INPP4B: variants seen among roughly 807,000 people sequenced by gnomAD.
INPP4B encodes inositol polyphosphate-4-phosphatase type II B.
In INPP4B, 55 loss-of-function variants were observed where a neutral mutation model predicts 122.5. That is an observed-to-expected ratio of 0.45 (90% CI 0.36 to 0.56). The LOEUF (loss-of-function observed/expected upper bound fraction) is 0.56. INPP4B is among the 20% of genes least tolerant of loss of function. INPP4B has a pLI of 0.00. For missense variants in INPP4B, 1,000 were observed against 1,097.7 expected (o/e 0.91, Z 1.26); for synonymous variants, 403 against 388.7 (o/e 1.04, Z -0.43).
intron 2 of INPP4B, among the ~76,000 whole-genome samples, chr4:142,658,212 C>T (rs568263715): frequency 3.3e-5 from 5 of 152,216 alleles, no homozygotes; most frequent in Admixed American, 3.3e-4. Context: ...TGCTTTAATC[C>T]TTTTCAAAAA....
intron 4 of INPP4B, among the ~76,000 whole-genome samples, chr4:142,429,825 A>G (rs192829191): frequency 6.6e-6 from 1 of 152,206 alleles, no homozygotes; most frequent in Non-Finnish European, 1.5e-5. Flanking sequence ...TCTGGGGACA[A>G]AGGTACAGAA....
intron 5 of INPP4B, among the ~76,000 whole-genome samples, chr4:142,418,826 A>G (rs1239672517): frequency 6.6e-6 from 1 of 152,178 alleles, no homozygotes; most frequent in African/African-American, 2.4e-5. Context: ...AAGAAATTAC[A>G]TTTCCATTTT....
intron 9 of INPP4B, among the ~76,000 whole-genome samples, chr4:142,285,962 C>G (rs1041813218): frequency 6.6e-6 from 1 of 152,142 alleles, no homozygotes; most frequent in Non-Finnish European, 1.5e-5. Flanking sequence ...GCTCTGTAGT[C>G]TTAACTCTGC....
intron 1 of INPP4B, among the ~76,000 whole-genome samples, chr4:142,775,004 A>G (rs1190405856): frequency 1.3e-5 from 2 of 151,968 alleles, no homozygotes; most frequent in Non-Finnish European, 2.9e-5. Flanking sequence ...TGACCTTGAT[A>G]CTTTTGAGGA....
intron 2 of INPP4B, among the ~76,000 whole-genome samples, chr4:142,711,042 C>T (rs760389344): frequency 2.6e-5 from 4 of 152,186 alleles, no homozygotes; most frequent in Admixed American, 6.5e-5. Flanking sequence ...GCAACATGTC[C>T]CTTCCAACAC....
intron 1 of INPP4B, among the ~76,000 whole-genome samples, chr4:142,828,665 G>T (rs1469508253): frequency 6.6e-6 from 1 of 152,026 alleles, no homozygotes; most frequent in East Asian, 1.9e-4. Flanking sequence ...ATAAACTCAA[G>T]AAAACAAGCC....
intron 2 of INPP4B, among the ~76,000 whole-genome samples, chr4:142,575,909 TG>T (rs1348089035): frequency 3.3e-5 from 5 of 152,074 alleles, no homozygotes; most frequent in Admixed American, 2.0e-4. Flanking sequence ...CTCAAGGTTC[TG>T]TGTGCAAAAC....
At chr4:142,201,186 T>G (rs1348832142) in intron 14 of INPP4B, among the ~76,000 whole-genome samples, 3 of 152,096 alleles carry the variant, frequency 2.0e-5, no homozygotes, top group Non-Finnish European at 2.9e-5. Flanking sequence ...AAGTAGCTGC[T>G]GAATGTTATT....
At chr4:142,126,753 G>A (rs908231139) in intron 18 of INPP4B, among the ~76,000 whole-genome samples, 2 of 151,522 alleles carry the variant, frequency 1.3e-5, no homozygotes, top group Middle Eastern at 3.4e-3. Context: ...ATTGTCATGT[G>A]TAAAAGGGAA....
chr4:142,123,441 T>C (rs1471708248), intron 19 of INPP4B, 26 bp from the exon 20 acceptor site: 1 of 1,603,226 alleles, frequency 6.2e-7, no homozygotes, highest in Non-Finnish European at 8.5e-7. Flanking sequence ...TGATGAGATT[T>C]ACTGCAGTTA....
chr4:142,722,703 A>G (rs1383246671), intron 2 of INPP4B, among the ~76,000 whole-genome samples: 1 of 152,156 alleles, frequency 6.6e-6, no homozygotes, highest in Non-Finnish European at 1.5e-5. Flanking sequence ...CAGTTTAAAT[A>G]CTCATTGGGA....
intron 25 of INPP4B, among the ~76,000 whole-genome samples, chr4:142,073,292 G>A (rs188235093): frequency 3.0e-4 from 46 of 152,218 alleles, no homozygotes; most frequent in African/African-American, 8.9e-4. Context: ...GGCCACTATC[G>A]TTTGAACATT....
At chr4:142,671,422 G>C (rs750981040) in intron 2 of INPP4B, among the ~76,000 whole-genome samples, 1 of 152,108 alleles carries the variant, frequency 6.6e-6, no homozygotes, top group Non-Finnish European at 1.5e-5. Flanking sequence ...GAAACACACT[G>C]TGTATTTTCC....
chr4:142,081,290 CAA>C (rs1192546561), intron 25 of INPP4B, among the ~76,000 whole-genome samples: 1 of 152,106 alleles, frequency 6.6e-6, no homozygotes, highest in African/African-American at 2.4e-5. Flanking sequence ...GGCTTTGCAG[CAA>C]AGAGACAATT....
Position 142,237,952 on chromosome 4 carries a change from G to T in INPP4B, c.748C>A (p.Arg250=), listed in dbSNP as rs763155133. The part of the protein sequence containing the change: ...RFPTSDNKWM[R]IREQMSESIL... ...CTCTCTGACATCTGCTCTCGAATTC[G>T]CATCCACTTATTGTCAGATGTGGGA... Residue 250 remains arginine, a synonymous_variant, in exon 12 of 26, where the codon CGA becomes AGA. Coordinates refer to ENST00000262992, the MANE Select transcript of INPP4B (RefSeq NM_001101669.3). 6.4e-7 allele frequency: 1 copy of T among 1,571,864 alleles called. No individual in the cohort carries two copies. The highest frequency in any genetic ancestry group is 8.7e-7 in the Non-Finnish European group (1 of 1,144,822).
At chr4:142,822,514 C>A (rs73850571) in intron 1 of INPP4B, among the ~76,000 whole-genome samples, 3,218 of 152,148 alleles carry the variant, frequency 0.021, 108 homozygotes, top group African/African-American at 0.073. Flanking sequence ...GAAGTGCAAA[C>A]CCTATTGTGA....
At chr4:142,518,128 A>G (rs958243779) in intron 2 of INPP4B, among the ~76,000 whole-genome samples, 1 of 152,200 alleles carries the variant, frequency 6.6e-6, no homozygotes, top group Non-Finnish European at 1.5e-5. Flanking sequence ...ATATTGATCT[A>G]TTTCAGCAAT....
At chr4:142,116,101 C>G (rs573758470) in intron 21 of INPP4B, among the ~76,000 whole-genome samples, 9 of 151,956 alleles carry the variant, frequency 5.9e-5, no homozygotes, top group Non-Finnish European at 1.2e-4. Flanking sequence ...CAATTCAACA[C>G]GAAGAGCTAA....
At chr4:142,544,740 C>T (rs1829357085) in intron 2 of INPP4B, among the ~76,000 whole-genome samples, 1 of 151,960 alleles carries the variant, frequency 6.6e-6, no homozygotes. Context: ...GACAGGTGGT[C>T]GATTGAGACT....
Sources: allele counts gnomAD v4.1 joint callset (sites outside exome capture counted in the v4.1 genomes callset), GRCh38; gene constraint gnomAD v4.1.1; transcripts MANE v1.5; gene names NCBI Gene and HGNC (gene_info 2026-07-23, HGNC 2026-07-21).